CADM2: variants seen among roughly 807,000 people sequenced by gnomAD.
CADM2 encodes immunoglobulin superfamily member 4D.
In CADM2, 12 loss-of-function variants were observed where a neutral mutation model predicts 49.8. The ratio of observed to expected loss-of-function variants is 0.24; its 90% confidence interval spans 0.15 to 0.39. The LOEUF (loss-of-function observed/expected upper bound fraction) is 0.39. Ranked by LOEUF, CADM2 falls within the 10% of genes least tolerant of loss-of-function variation. The pLI is 1.00. For synonymous variants in CADM2, 214 were observed against 175.4 expected (o/e 1.22, Z -1.74); for missense variants, 378 against 492.3 (o/e 0.77, Z 2.20).
intron 2 of CADM2, among the ~76,000 whole-genome samples, chr3:85,768,256 G>C (rs577862267): frequency 6.6e-6 from 1 of 151,832 alleles, no homozygotes; most frequent in Non-Finnish European, 1.5e-5. Flanking sequence ...TTACCAGCCT[G>C]GGCAACACAG....
At chr3:85,218,527 C>T (rs1380298652) in intron 1 of CADM2, among the ~76,000 whole-genome samples, 3 of 152,032 alleles carry the variant, frequency 2.0e-5, no homozygotes, top group Non-Finnish European at 2.9e-5. Context: ...GTAAAGTGTA[C>T]AGGCTCACTC....
chr3:85,319,411 A>G (rs895410382), intron 1 of CADM2, among the ~76,000 whole-genome samples: 1 of 152,160 alleles, frequency 6.6e-6, no homozygotes, highest in Non-Finnish European at 1.5e-5. Context: ...TAAAACCAGA[A>G]CTACCGTTCG....
At chr3:85,509,194 C>T (rs942249258) in intron 1 of CADM2, among the ~76,000 whole-genome samples, 5 of 152,012 alleles carry the variant, frequency 3.3e-5, no homozygotes, top group African/African-American at 4.8e-5. Flanking sequence ...AAGTTCTTTC[C>T]AATCTTAAAT....
At chr3:85,347,223 C>CAAAAAAAAAAAAAAAAAAAAAAAAAAA (rs11331703) in intron 1 of CADM2, among the ~76,000 whole-genome samples, 1 of 46,138 alleles carries the variant, frequency 2.2e-5, no homozygotes, top group Non-Finnish European at 3.4e-5. Context: ...CTCTGTCTCA[C>CAAAAAAAAAAAAAAAAAAAAAAAAAAA]AAAAAAAAAA....
chr3:85,604,559 T>G (rs2107416315), intron 1 of CADM2, among the ~76,000 whole-genome samples: 1 of 152,104 alleles, frequency 6.6e-6, no homozygotes, highest in Admixed American at 6.6e-5. Context: ...AACAATGAAC[T>G]AGGTGCCACT....
At chr3:85,090,732 A>G in intron 1 of CADM2, among the ~76,000 whole-genome samples, 1 of 152,284 alleles carries the variant, frequency 6.6e-6, no homozygotes, top group African/African-American at 2.4e-5. Context: ...ACCTGCTGTC[A>G]GATTAGCAGC....
In CADM2 at chr3:85,464,891, C is replaced by T. The variant is rs1005473020; in HGVS notation, c.62-261631C>T. ...TTTGGCCAAGCTCAGTGGCTCACGC[C>T]GTAATCTCAGCACTTTGGGAGGCCG... On this transcript the variant is annotated intron_variant, in intron 1 of 9. Coordinates refer to ENST00000383699, the MANE Select transcript of CADM2 (RefSeq NM_001167675.2). Among the ~76,000 whole-genome samples, 3 of 152,080 alleles carry T rather than the reference C, an allele frequency of 2.0e-5. No homozygotes were observed. The East Asian group carries it at 5.8e-4, about 29-fold the overall frequency.
intron 8 of CADM2, chr3:85,992,575 T>G (rs755245485): frequency 5.3e-5 from 8 of 152,160 alleles, no homozygotes; most frequent in Non-Finnish European, 1.2e-4. Context: ...AAAGCACATA[T>G]TACAATATCA....
At chr3:85,923,741 T>G (rs892537151) in intron 6 of CADM2, among the ~76,000 whole-genome samples, 15 of 152,222 alleles carry the variant, frequency 9.9e-5, no homozygotes, top group African/African-American at 3.6e-4. Flanking sequence ...TATAACTTTC[T>G]GTGATAATAG....
intron 1 of CADM2, among the ~76,000 whole-genome samples, chr3:85,690,566 C>T (rs1481833918): frequency 6.6e-6 from 1 of 152,124 alleles, no homozygotes; most frequent in South Asian, 2.1e-4. Flanking sequence ...GAGCAGAAAT[C>T]AATGTCACAA....
chr3:85,838,367 C>T (rs2074492999), intron 3 of CADM2, among the ~76,000 whole-genome samples: 1 of 151,802 alleles, frequency 6.6e-6, no homozygotes, highest in Admixed American at 6.6e-5. Context: ...AGTAGCAGAG[C>T]ATTAATCACT....
At chr3:85,952,082 T>G (rs1577756760) in intron 7 of CADM2, among the ~76,000 whole-genome samples, 3 of 150,554 alleles carry the variant, frequency 2.0e-5, no homozygotes, top group Admixed American at 1.3e-4. Flanking sequence ...GAAAAAAAAA[T>G]GAGACTTTTA....
At chr3:85,555,651 A>G (rs2061940536) in intron 1 of CADM2, among the ~76,000 whole-genome samples, 1 of 152,130 alleles carries the variant, frequency 6.6e-6, no homozygotes, top group Non-Finnish European at 1.5e-5. Context: ...AAAAAATAAT[A>G]GTAAATTATA....
intron 1 of CADM2, among the ~76,000 whole-genome samples, chr3:85,457,387 C>A (rs936413663): frequency 2.7e-5 from 4 of 150,776 alleles, no homozygotes; most frequent in Non-Finnish European, 5.9e-5. Context: ...CACTCCAGCC[C>A]GGGTGACACA....
At chr3:85,189,088 A>C (rs944189032) in intron 1 of CADM2, among the ~76,000 whole-genome samples, 1 of 147,208 alleles carries the variant, frequency 6.8e-6, no homozygotes, top group African/African-American at 2.5e-5. Context: ...TAAATAAATA[A>C]ATAGCGAGCA....
chr3:85,678,563 G>GTT (rs2107651164), intron 1 of CADM2, among the ~76,000 whole-genome samples: 1 of 152,228 alleles, frequency 6.6e-6, no homozygotes, highest in Admixed American at 6.5e-5. Context: ...TAACTCATCT[G>GTT]TTTAAGAATC....
chr3:85,573,157 TTTTATTTATTTATTTATTTA>T lies in CADM2; in HGVS notation c.62-153332_62-153313del, dbSNP rs34809115. 8.0e-4 allele frequency among the ~76,000 whole-genome samples: 112 copies of T among 139,582 alleles called. 1 individual carries two copies. Among genetic ancestry groups the T allele is most frequent in the Middle Eastern group, 3.5e-3 (1 of 282 alleles). 91.6% of individuals were successfully genotyped at this position (139,582 alleles called of 152,430 possible). ...AATGTAATATATAAAAACGTGCTTATTTTATTTATTTATTTATTTATTTATTTATTTATTTATTTATTTAT... is the reference window on the plus strand; with the variant it reads ...AATGTAATATATAAAAACGTGCTTATTTTATTTATTTATTTATTTATTTAT... On this transcript the variant is annotated intron_variant, in intron 1 of 9. Transcript: ENST00000383699.
intron 1 of CADM2, among the ~76,000 whole-genome samples, chr3:85,069,054 T>G (rs186276643): frequency 1.6e-4 from 24 of 152,198 alleles, no homozygotes; most frequent in African/African-American, 5.8e-4. Flanking sequence ...TCAAATATGC[T>G]CTCAAAGGAA....
intron 6 of CADM2, among the ~76,000 whole-genome samples, chr3:85,912,794 T>C (rs536800092): frequency 1.3e-5 from 2 of 152,320 alleles, no homozygotes; most frequent in East Asian, 3.9e-4. Flanking sequence ...AAATTGTGGC[T>C]TAACGTAGGC....
Sources: gnomAD v4.1 joint callset for allele counts (sites outside exome capture counted in the v4.1 genomes callset) on GRCh38, gnomAD v4.1.1 for gene constraint, MANE v1.5 for transcripts, NCBI Gene and HGNC (gene_info 2026-07-23, HGNC 2026-07-21) for gene names.